ADCY10: variants seen among roughly 807,000 people sequenced by gnomAD.
ADCY10 encodes the protein adenylate cyclase 10.
Under a neutral mutation model 183.3 loss-of-function variants are expected in ADCY10, and 156 were observed. That is an observed-to-expected ratio of 0.85 (90% CI 0.75 to 0.97). The LOEUF (loss-of-function observed/expected upper bound fraction) is 0.97, where lower values mean the gene tolerates loss of function less well. Among genes scored for constraint, ADCY10 ranks in the 50% least tolerant of loss-of-function variants. ADCY10 has a pLI of 0.00. For missense variants in ADCY10, 1,745 were observed against 1,934.3 expected (o/e 0.90, Z 1.84); for synonymous variants, 645 against 670.0 (o/e 0.96, Z 0.58).
At chr1:167,888,769 A>G (rs964530675) in intron 8 of ADCY10, among the ~76,000 whole-genome samples, 2 of 150,220 alleles carry the variant, frequency 1.3e-5, no homozygotes, top group African/African-American at 4.9e-5. Context: ...CCAGCTACTC[A>G]GGAGGCTGAG....
intron 16 of ADCY10, 118 bp from the exon 17 acceptor site, chr1:167,856,557 GAACT>G: frequency 2.1e-6 from 2 of 968,896 alleles, no homozygotes; most frequent in South Asian, 2.8e-5. Flanking sequence ...TGCAGCGAAA[GAACT>G]AAGTTCAATC....
chr1:167,882,130 A>T (rs1282492996), intron 9 of ADCY10, among the ~76,000 whole-genome samples: 1 of 152,220 alleles, frequency 6.6e-6, no homozygotes, highest in Non-Finnish European at 1.5e-5. Flanking sequence ...TGGGAAATCA[A>T]TTCTCACATA....
At position 167,856,184 on chromosome 1, in the gene ADCY10, T is replaced by C. The variant is rs2102022188; in HGVS notation, c.2152A>G (p.Ile718Val). 1 of 1,613,978 alleles carries C rather than the reference T, an allele frequency of 6.2e-7. No individual in the cohort carries two copies. Among genetic ancestry groups the C allele is most frequent in the East Asian group, 2.2e-5 (1 of 44,880 alleles). Residue 718 changes from isoleucine to valine, a missense_variant, in exon 17 of 33, where the codon ATC (isoleucine) becomes GTC (valine). Physicochemically the swap from Ile to Val is conservative, Grantham distance 29. Coordinates refer to ENST00000367851, the MANE Select transcript of ADCY10 (RefSeq NM_018417.6). Reference protein sequence around the residue: ...KICLDLNVSCISKELDSYLGE... With the variant: ...KICLDLNVSCVSKELDSYLGE... Reference sequence around the variant, plus strand: ...ACTTACGAGTCCAGTTCTTTGGAGATGCAGCTCACATTGAGGTCAAGACAG... The same window carrying C: ...ACTTACGAGTCCAGTTCTTTGGAGACGCAGCTCACATTGAGGTCAAGACAG...
At chr1:167,821,730 C>T (rs1662926660) in intron 30 of ADCY10, among the ~76,000 whole-genome samples, 1 of 152,222 alleles carries the variant, frequency 6.6e-6, no homozygotes, top group African/African-American at 2.4e-5. Context: ...AACCCCAGCA[C>T]CCCTCTGAAG....
chr1:167,838,377 G>C (rs1664379247), intron 21 of ADCY10, among the ~76,000 whole-genome samples: 1 of 152,168 alleles, frequency 6.6e-6, no homozygotes, highest in Admixed American at 6.5e-5. Flanking sequence ...AACTGCTGTT[G>C]TTAAAGTTAC....
At chr1:167,813,008 G>A (rs1309873816) in intron 31 of ADCY10, among the ~76,000 whole-genome samples, 2 of 152,084 alleles carry the variant, frequency 1.3e-5, no homozygotes, top group Non-Finnish European at 2.9e-5. Flanking sequence ...GGGACTTGTG[G>A]AACACCAAGA....
In ADCY10 at chr1:167,905,212, T is replaced by C. The variant is rs1669732407; in HGVS notation, c.-58-14A>G. The C allele has an allele frequency of 2.2e-5, 33 of 1,522,902 alleles. No individual in the cohort carries two copies. The highest frequency in any genetic ancestry group is 3.0e-5 in the Non-Finnish European group (33 of 1,098,172). The allele number at this position is 1,522,902 out of a possible 1,614,324, so 94.3% of individuals were successfully genotyped here. On this transcript the variant is annotated splice_polypyrimidine_tract_variant and intron_variant, in intron 1 of 32. Transcript: ENST00000367851. ...CAAATAGGTCTTCTAAAAAGAAAAT[T>C]GAAATAGAGGAAATCTGATATATTC...
At chr1:167,891,462 C>T (rs1452813162) in intron 8 of ADCY10, among the ~76,000 whole-genome samples, 2 of 151,574 alleles carry the variant, frequency 1.3e-5, no homozygotes, top group African/African-American at 2.4e-5. Context: ...CGAGACCATC[C>T]TGGCTAACAC....
At chr1:167,837,355 A>C in intron 21 of ADCY10, 37 bp from the exon 22 acceptor site, 2 of 1,545,262 alleles carry the variant, frequency 1.3e-6, no homozygotes, top group Non-Finnish European at 1.8e-6. Context: ...GGGTCATTGA[A>C]ATGTTCTCTG....
chr1:167,887,675 C>G (rs1007788874), intron 8 of ADCY10, among the ~76,000 whole-genome samples: 6 of 151,370 alleles, frequency 4.0e-5, no homozygotes, highest in Non-Finnish European at 7.4e-5. Flanking sequence ...TGCACATGTA[C>G]CCTAGAACTT....
At chr1:167,828,351 G>A (rs934230160) in intron 26 of ADCY10, among the ~76,000 whole-genome samples, 1 of 152,140 alleles carries the variant, frequency 6.6e-6, no homozygotes, top group Admixed American at 6.5e-5. Context: ...AATCTTTGAT[G>A]TGTACTTTCC....
At chr1:167,864,048 C>T (rs752391155) in intron 14 of ADCY10, among the ~76,000 whole-genome samples, 1 of 152,176 alleles carries the variant, frequency 6.6e-6, no homozygotes, top group Non-Finnish European at 1.5e-5. Flanking sequence ...CCTGTTCCGG[C>T]ACTTTGGTTT....
chr1:167,906,149 A>G lies in ADCY10; in HGVS notation c.-58-951T>C, dbSNP rs368620702. 1.8e-4 allele frequency among the ~76,000 whole-genome samples: 27 copies of G among 152,296 alleles called. 2 individuals are homozygous for G. In the East Asian group the frequency reaches 4.4e-3, roughly 25 times the overall value. On this transcript the variant is annotated intron_variant, in intron 1 of 32. Coordinates refer to ENST00000367851, the MANE Select transcript of ADCY10 (RefSeq NM_018417.6). Reference sequence around the variant, plus strand: ...TGAGACAGTCGCTTATATCCCTTAGATTTAAGGGGAAGTATTTAAAAAATA... The same window carrying G: ...TGAGACAGTCGCTTATATCCCTTAGGTTTAAGGGGAAGTATTTAAAAAATA...
chr1:167,901,786 C>G lies in ADCY10; in HGVS notation c.312G>C (p.Leu104=). The G allele has an allele frequency of 6.2e-7, 1 of 1,614,212 alleles. No individual in the cohort carries two copies. The highest frequency in any genetic ancestry group is 2.2e-5 in the East Asian group (1 of 44,880). ...TCAGCTGCTTTCGCTCCACCCTCCACAGGGCTAGCAGTGCATCACCTTCAG... is the reference window on the plus strand; with the variant it reads ...TCAGCTGCTTTCGCTCCACCCTCCAGAGGGCTAGCAGTGCATCACCTTCAG... ...LKFAGDALLA[L]WRVERKQLKN... Residue 104 remains leucine, a synonymous_variant, in exon 5 of 33, where the codon CTG becomes CTC. Transcript: ENST00000367851.
At chr1:167,881,281 A>C (rs1442866619) in intron 9 of ADCY10, among the ~76,000 whole-genome samples, 3 of 152,252 alleles carry the variant, frequency 2.0e-5, no homozygotes, top group African/African-American at 4.8e-5. Context: ...CACTTAAAAA[A>C]TGACCTCAGT....
chr1:167,904,371 C>G (rs1157037155), intron 2 of ADCY10, among the ~76,000 whole-genome samples: 2 of 152,158 alleles, frequency 1.3e-5, no homozygotes, highest in Non-Finnish European at 2.9e-5. Context: ...CAGGCGTGAG[C>G]CACCGAACCC....
Position 167,823,076 on chromosome 1 carries a change from A to T in ADCY10, c.4100T>A (p.Val1367Glu). Residue 1367 changes from valine to glutamate, a missense_variant, in exon 29 of 33, where the codon GTA (valine) becomes GAA (glutamate). Transcript: ENST00000367851. ...CTTGCTGAAGATGTGTTCCTGTGTT[A>T]CAGAAAGCTCCCACAGCCGCCCCAG... ...QVLGRLWELS[V>E]TQEHIFSKAF... 6.2e-7 allele frequency: 1 copy of T among 1,614,198 alleles called. No individual in the cohort carries two copies. The highest frequency in any genetic ancestry group is 1.3e-5 in the African/African-American group (1 of 75,050).
At chr1:167,850,518 G>A (rs999044559) in intron 18 of ADCY10, among the ~76,000 whole-genome samples, 1 of 152,098 alleles carries the variant, frequency 6.6e-6, no homozygotes, top group Admixed American at 6.5e-5. Context: ...AGAGGAAAGG[G>A]TTAAGGATAG....
At chr1:167,871,982 G>T (rs75638064) in intron 13 of ADCY10, among the ~76,000 whole-genome samples, 1,599 of 152,242 alleles carry the variant, frequency 0.011, 11 homozygotes, top group Admixed American at 0.016. Flanking sequence ...TAACAAACCT[G>T]CACGTTGTGC....
Sources: allele counts gnomAD v4.1 joint callset (sites outside exome capture counted in the v4.1 genomes callset), GRCh38; gene constraint gnomAD v4.1.1; transcripts MANE v1.5; gene names NCBI Gene and HGNC (gene_info 2026-07-23, HGNC 2026-07-21).